Variants in CUX1 observed in about 807,000 individuals in gnomAD.
CUX1 encodes cut like homeobox 1, also known as protein CASP.
Under a neutral mutation model 158.8 loss-of-function variants are expected in CUX1, and 31 were observed. The ratio of observed to expected loss-of-function variants is 0.20; its 90% CI spans 0.15 to 0.26. CUX1 has a LOEUF of 0.26. CUX1 is among the 10% of genes least tolerant of loss of function. CUX1 has a pLI of 1.00. For synonymous variants in CUX1, 879 were observed against 862.1 expected (o/e 1.02, Z -0.34); for missense variants, 1,589 against 2,014.6 (o/e 0.79, Z 4.04).
At chr7:101,893,472 C>T (rs1017957866) in intron 1 of CUX1, among the ~76,000 whole-genome samples, 6 of 152,100 alleles carry the variant, frequency 3.9e-5, no homozygotes, top group African/African-American at 9.7e-5. Flanking sequence ...GTGAAGCTGT[C>T]GGGCTGATTT....
intron 3 of CUX1, among the ~76,000 whole-genome samples, chr7:102,038,090 A>G (rs1291334403): frequency 6.6e-6 from 1 of 151,564 alleles, no homozygotes. Flanking sequence ...GTACACTGCT[A>G]GCTCCATGGT....
intron 2 of CUX1, among the ~76,000 whole-genome samples, chr7:101,924,285 C>T (rs1584995732): frequency 6.6e-6 from 1 of 152,068 alleles, no homozygotes; most frequent in South Asian, 2.1e-4. Flanking sequence ...GTGGCCTGGG[C>T]CCAAACGCAT....
Position 102,179,119 on chromosome 7 carries a change from C to T in CUX1, c.1017+462C>T, listed in dbSNP as rs1052078822. 1.1e-4 allele frequency among the ~76,000 whole-genome samples: 16 copies of T among 152,204 alleles called. 1 individual carries two copies. Among genetic ancestry groups the T allele is most frequent in the Non-Finnish European group, 4.4e-5 (3 of 68,032 alleles). ...CTGGAGTGCAATGGCATGATCTGGGCTCACAGCAACCTCCACCTCCCAGGT... is the reference window on the plus strand; with the variant it reads ...CTGGAGTGCAATGGCATGATCTGGGTTCACAGCAACCTCCACCTCCCAGGT... On this transcript the variant is annotated intron_variant, in intron 11 of 23. Coordinates refer to ENST00000292535, the MANE Select transcript of CUX1 (RefSeq NM_181552.4).
intron 8 of CUX1, among the ~76,000 whole-genome samples, chr7:102,155,781 T>C (rs1563321999): frequency 6.6e-6 from 1 of 152,220 alleles, no homozygotes; most frequent in Non-Finnish European, 1.5e-5. Context: ...CAGCAATTTT[T>C]CTGTCAGATC....
intron 3 of CUX1, among the ~76,000 whole-genome samples, chr7:102,061,618 C>T (rs1424624618): frequency 6.6e-6 from 1 of 152,208 alleles, no homozygotes; most frequent in Non-Finnish European, 1.5e-5. Flanking sequence ...GGAAATCAAA[C>T]CCTCATGTGC....
Position 102,256,508 on chromosome 7 carries a change from G to A in CUX1, c.*7466G>A. On this transcript the variant is annotated 3_prime_UTR_variant, in exon 24 of 24. Transcript: ENST00000292535. The stretch of plus-strand genomic sequence containing the variant: ...CAAGGCGTCTGGGGGATTGACTGGG[G>A]GGCAGAGGGGGTTTCCCCAGCAAAA... 28 of 985,374 alleles carry A rather than the reference G, an allele frequency of 2.8e-5. No homozygotes were observed. Among genetic ancestry groups the A allele is most frequent in the Non-Finnish European group, 3.4e-5 (28 of 829,928 alleles). 61.0% of individuals were successfully genotyped at this position (985,374 alleles called of 1,614,324 possible). A position where few individuals can be genotyped will look rare whatever the true frequency, so the allele number is the denominator to read the frequency against.
At chr7:101,834,998 AAATAAATAAATAAAT>A (rs1794468128) in intron 1 of CUX1, among the ~76,000 whole-genome samples, 1 of 24,412 alleles carries the variant, frequency 4.1e-5, no homozygotes, top group African/African-American at 3.2e-4. Flanking sequence ...TCTGTGTCAT[AAATAAATAAATAAAT>A]AAATAAATAA....
chr7:102,236,003 C>T (rs541184526), intron 22 of CUX1, among the ~76,000 whole-genome samples: 1 of 152,112 alleles, frequency 6.6e-6, no homozygotes, highest in Non-Finnish European at 1.5e-5. Context: ...TGAGAACTGC[C>T]CTGTTTGCCA....
intron 2 of CUX1, among the ~76,000 whole-genome samples, chr7:101,923,789 G>A (rs1268902255): frequency 1.3e-5 from 2 of 152,178 alleles, no homozygotes; most frequent in Admixed American, 6.5e-5. Flanking sequence ...CCTGACTGTC[G>A]GAGACGCCTG....
At position 102,041,253 on chromosome 7, in the gene CUX1, A is replaced by ATCC. The variant is rs1411639210; in HGVS notation, c.189+13109_189+13110insCCT. On this transcript the variant is annotated intron_variant, in intron 3 of 23. Coordinates refer to ENST00000292535, the MANE Select transcript of CUX1 (RefSeq NM_181552.4). ...CCAGGGAGATTGTCACCTCTTATCCATTCTTTTTTTTTTTTTTTTTTTTTT... is the reference window on the plus strand; with the variant it reads ...CCAGGGAGATTGTCACCTCTTATCCATCCTTCTTTTTTTTTTTTTTTTTTTTTT... 7.0e-4 allele frequency among the ~76,000 whole-genome samples: 46 copies of ATCC among 66,096 alleles called. 3 individuals carry two copies. The highest frequency in any genetic ancestry group is 2.6e-3 in the African/African-American group (44 of 17,198). 43.4% of individuals were successfully genotyped at this position (66,096 alleles called of 152,430 possible). A position where few individuals can be genotyped will look rare whatever the true frequency, so the allele number is the denominator to read the frequency against.
At chr7:102,166,975 T>C (rs1456263571) in intron 9 of CUX1, among the ~76,000 whole-genome samples, 2 of 151,924 alleles carry the variant, frequency 1.3e-5, no homozygotes, top group Non-Finnish European at 2.9e-5. Context: ...TCCACAGAAA[T>C]TATGCAATCA....
intron 14 of CUX1, among the ~76,000 whole-genome samples, chr7:102,196,344 G>A (rs1554518308): frequency 6.6e-6 from 1 of 152,162 alleles, no homozygotes; most frequent in Non-Finnish European, 1.5e-5. Flanking sequence ...TGTGTCACCA[G>A]CTCCTTGTCA....
Position 102,254,891 on chromosome 7 carries a change from T to C in CUX1, c.*5849T>C, listed in dbSNP as rs1459244360. 1 of 985,378 alleles carries C rather than the reference T, an allele frequency of 1.0e-6. No individual in the cohort carries two copies. Among genetic ancestry groups the C allele is most frequent in the Non-Finnish European group, 1.2e-6 (1 of 829,962 alleles). 61.0% of individuals were successfully genotyped at this position (985,378 alleles called of 1,614,324 possible). On this transcript the variant is annotated 3_prime_UTR_variant, in exon 24 of 24. Coordinates refer to ENST00000292535, the MANE Select transcript of CUX1 (RefSeq NM_181552.4). Reference sequence around the variant, plus strand: ...TTCTATTTCGATCAGGTTTTGACTTTTTGTAGATGAAAACTACCAGGGAAA... The same window carrying C: ...TTCTATTTCGATCAGGTTTTGACTTCTTGTAGATGAAAACTACCAGGGAAA...
intron 1 of CUX1, among the ~76,000 whole-genome samples, chr7:101,853,298 C>G (rs1007110363): frequency 6.6e-6 from 1 of 152,166 alleles, no homozygotes; most frequent in Admixed American, 6.5e-5. Context: ...TGAGTTTGAG[C>G]TCTATAAAAA....
At chr7:101,888,104 TG>T in intron 1 of CUX1, among the ~76,000 whole-genome samples, 1 of 152,046 alleles carries the variant, frequency 6.6e-6, no homozygotes, top group African/African-American at 2.4e-5. Flanking sequence ...GAGGCTGAGG[TG>T]GGGGGATCAC....
intron 23 of CUX1, among the ~76,000 whole-genome samples, chr7:102,244,872 C>A (rs75294398): frequency 0.08 from 12,111 of 152,174 alleles, 713 homozygotes; most frequent in African/African-American, 0.16. Flanking sequence ...CCCTAAAAAC[C>A]ACAACTGCTC....
intron 20 of CUX1, among the ~76,000 whole-genome samples, chr7:102,220,751 C>G (rs1304703001): frequency 6.6e-6 from 1 of 152,202 alleles, no homozygotes; most frequent in African/African-American, 2.4e-5. Context: ...CTCCTTTCCT[C>G]TCCTCCAGGG....
chr7:101,866,229 A>AG (rs1469909064), intron 1 of CUX1, among the ~76,000 whole-genome samples: 1 of 152,116 alleles, frequency 6.6e-6, no homozygotes, highest in African/African-American at 2.4e-5. Flanking sequence ...TGGGAGGCTG[A>AG]GGTGGGTGGA....
rs1398140071 is a variant in CUX1 at position 102,254,573 on chromosome 7, C to G, written c.*5531C>G. On this transcript the variant is annotated 3_prime_UTR_variant, in exon 24 of 24. Coordinates refer to ENST00000292535, the MANE Select transcript of CUX1 (RefSeq NM_181552.4). ...TGTCCACTGTGGGGGCCAAAGTGTT[C>G]CCCTGCTGGAGACAGTTTGCAAGTA... 13 of 985,312 alleles carry G rather than the reference C, an allele frequency of 1.3e-5. No homozygotes were observed. Among genetic ancestry groups the G allele is most frequent in the Non-Finnish European group, 1.6e-5 (13 of 829,978 alleles). 61.0% of individuals were successfully genotyped at this position (985,312 alleles called of 1,614,324 possible).
Sources: gnomAD v4.1 joint callset for allele counts (sites outside exome capture counted in the v4.1 genomes callset) on GRCh38, gnomAD v4.1.1 for gene constraint, MANE v1.5 for transcripts, NCBI Gene and HGNC (gene_info 2026-07-23, HGNC 2026-07-21) for gene names.